The following CDKL1 variants were observed in gnomAD, a reference collection of about 807,000 sequenced individuals.
CDKL1 encodes the protein cyclin dependent kinase like 1.
Under a neutral mutation model 42.0 loss-of-function variants are expected in CDKL1, and 41 were observed. The ratio of observed to expected loss-of-function variants is 0.98; its 90% CI spans 0.76 to 1.27. The LOEUF (loss-of-function observed/expected upper bound fraction) is 1.27, where lower values mean the gene tolerates loss of function less well. Among genes scored for constraint, CDKL1 ranks in the 50% most tolerant of loss-of-function variants. The pLI, the probability that CDKL1 is intolerant of heterozygous loss-of-function variation, is 0.00. For synonymous variants in CDKL1, 153 were observed against 158.6 expected (o/e 0.96, Z 0.26); for missense variants, 394 against 428.4 (o/e 0.92, Z 0.71).
At chr14:50,380,093 A>G (rs2139513294) in intron 2 of CDKL1, 1 of 507,910 alleles carries the variant, frequency 2.0e-6, no homozygotes, top group Non-Finnish European at 4.0e-6. Flanking sequence ...CTTAACAGTC[A>G]GCTAAGCATA....
chr14:50,362,972 A>C (rs1219761239), intron 2 of CDKL1: 1 of 465,980 alleles, frequency 2.1e-6, no homozygotes, highest in Non-Finnish European at 4.5e-6. Context: ...TTGGGTCCGC[A>C]CTGCTGTAAC....
In CDKL1 at chr14:50,375,796, C is replaced by CA. The variant is rs879761807; in HGVS notation, c.169-16648dup. 2.6e-3 allele frequency among the ~76,000 whole-genome samples: 369 copies of CA among 139,382 alleles called. 3 individuals are homozygous for CA. The highest frequency in any genetic ancestry group is 0.022 in the South Asian group (97 of 4,432). 91.4% of individuals were successfully genotyped at this position (139,382 alleles called of 152,430 possible). A position where few individuals can be genotyped will look rare whatever the true frequency, so the allele number is the denominator to read the frequency against. On this transcript the variant is annotated intron_variant, in intron 2 of 9. Transcript: ENST00000395834. Reference sequence around the variant, plus strand: ...TGGGCAACAGAGCGAGACTCCATCTCAAAAAAAAAAAATAGCGGTAAGTCA... The same window carrying CA: ...TGGGCAACAGAGCGAGACTCCATCTCAAAAAAAAAAAAATAGCGGTAAGTCA...
chr14:50,382,598 CT>C (rs1183162883), intron 2 of CDKL1, among the ~76,000 whole-genome samples: 4 of 138,310 alleles, frequency 2.9e-5, no homozygotes, highest in Admixed American at 1.4e-4. Context: ...TTCTCTCTCT[CT>C]TTTTTTTTAT....
chr14:50,346,541 C>G (rs922047900), intron 3 of CDKL1, among the ~76,000 whole-genome samples: 2 of 151,604 alleles, frequency 1.3e-5, no homozygotes, highest in African/African-American at 2.4e-5. Context: ...GCTCACTGAA[C>G]TTTGGACTCC....
At chr14:50,337,883 G>T (rs965925695) in intron 7 of CDKL1, among the ~76,000 whole-genome samples, 2 of 151,478 alleles carry the variant, frequency 1.3e-5, no homozygotes, top group Non-Finnish European at 1.5e-5. Context: ...GTTTTGTCTT[G>T]TTGCCCGTGC....
Position 50,342,167 on chromosome 14 carries a change from A to G in CDKL1, c.419T>C (p.Ile140Thr). 1.9e-6 allele frequency: 3 copies of G among 1,614,166 alleles called. No homozygotes were observed. The highest frequency in any genetic ancestry group is 2.5e-6 in the Non-Finnish European group (3 of 1,180,014). Residue 140 changes from isoleucine to threonine, a missense_variant, in exon 5 of 10, where the codon ATT becomes ACT. By Grantham distance (89) the Ile-to-Thr change is moderately conservative. Coordinates refer to ENST00000395834, the MANE Select transcript of CDKL1 (RefSeq NM_004196.7). ...AGCAAATCCAAAGTCACAAAGCTTA[A>G]TCACGGAATGTTTCGTGATGAGGAT... ...ENILITKHSVIKLCDFGFARL... is the reference protein window; with the variant it reads ...ENILITKHSVTKLCDFGFARL...
At chr14:50,358,109 A>G (rs985712207) in intron 3 of CDKL1, 1 of 1,361,516 alleles carries the variant, frequency 7.3e-7, no homozygotes, top group Non-Finnish European at 9.8e-7. Flanking sequence ...GTGCTCACCA[A>G]GTCTTCTTCC....
At chr14:50,331,739 G>A (rs556519294) in intron 9 of CDKL1, 8 of 396,746 alleles carry the variant, frequency 2.0e-5, no homozygotes, top group South Asian at 2.0e-4. Flanking sequence ...ATTCTTCACA[G>A]TCTCCCAGTG....
At chr14:50,337,280 A>G (rs1253487884) in intron 7 of CDKL1, among the ~76,000 whole-genome samples, 1 of 148,526 alleles carries the variant, frequency 6.7e-6, no homozygotes, top group Non-Finnish European at 1.5e-5. Flanking sequence ...AAGTGCTGGG[A>G]TTACAGGCGT....
intron 2 of CDKL1, among the ~76,000 whole-genome samples, chr14:50,390,892 G>A (rs1031479875): frequency 1.3e-5 from 2 of 152,088 alleles, no homozygotes; most frequent in Admixed American, 6.6e-5. Flanking sequence ...GGAATGCAGT[G>A]GCACAAATCA....
rs542797096 is a variant in CDKL1, at chr14:50,330,064, C to T, written c.*10G>A. The T allele has an allele frequency of 8.7e-6, 14 of 1,607,710 alleles. No individual in the cohort carries two copies. In the East Asian group the frequency reaches 1.8e-4, roughly 21 times the overall value. On this transcript the variant is annotated 3_prime_UTR_variant, in exon 10 of 10. Coordinates refer to ENST00000395834, the MANE Select transcript of CDKL1 (RefSeq NM_004196.7). Reference sequence around the variant, plus strand: ...TGATTCCTTTTTTAAAATCATGTCTCCTAGCTCCTTTAAATGTTTGGAAAA... The same window carrying T: ...TGATTCCTTTTTTAAAATCATGTCTTCTAGCTCCTTTAAATGTTTGGAAAA...
At chr14:50,360,148 C>A (rs915054485) in intron 2 of CDKL1, among the ~76,000 whole-genome samples, 2 of 152,106 alleles carry the variant, frequency 1.3e-5, no homozygotes, top group African/African-American at 2.4e-5. Context: ...AAGAATTTTA[C>A]AATCAAATGT....
chr14:50,334,618 G>A lies in CDKL1; in HGVS notation c.742C>T (p.Pro248Ser), dbSNP rs757820882. 17 of 1,586,990 alleles carry A rather than the reference G, an allele frequency of 1.1e-5. No individual in the cohort carries two copies. The highest frequency in any genetic ancestry group is 1.3e-5 in the Non-Finnish European group (15 of 1,155,492). Reference protein sequence around the residue: ...VKIPDPEDMEPLELKFPNISY... With the variant: ...VKIPDPEDMESLELKFPNISY... ...ATGTTTGGGAATTTTAATTCAAGTG[G>A]TTCCTGTTGAAAAGAAAAGAGGTTT... The change falls in exon 8 of 10, where the codon CCA (proline) becomes TCA (serine). Residue 248 changes from proline to serine, a missense_variant. By Grantham distance (74) the Pro-to-Ser change is moderately conservative. Coordinates refer to ENST00000395834, the MANE Select transcript of CDKL1 (RefSeq NM_004196.7).
intron 1 of CDKL1, 114 bp from the exon 2 acceptor site, chr14:50,396,443 G>A: frequency 1.0e-6 from 1 of 985,328 alleles, no homozygotes. Flanking sequence ...GATTTTAATC[G>A]CCCGTTAAAT....
intron 2 of CDKL1, among the ~76,000 whole-genome samples, chr14:50,375,517 C>G (rs959044384): frequency 2.0e-5 from 3 of 152,338 alleles, no homozygotes; most frequent in Admixed American, 6.5e-5. Context: ...CCTGACGACA[C>G]TACCTCAGCC....
At chr14:50,359,629 C>A (rs1265693951) in intron 2 of CDKL1, among the ~76,000 whole-genome samples, 1 of 151,714 alleles carries the variant, frequency 6.6e-6, no homozygotes, top group South Asian at 2.1e-4. Flanking sequence ...GTATCAATAG[C>A]TACAATAGAT....
At chr14:50,362,224 C>T (rs116009153) in intron 2 of CDKL1, 11 of 347,180 alleles carry the variant, frequency 3.2e-5, no homozygotes, top group African/African-American at 1.4e-4. Flanking sequence ...CGATCAGAAC[C>T]GCCCCCTGCT....
chr14:50,330,003 C>A lies in CDKL1; in HGVS notation c.*71G>T. The A allele has an allele frequency of 2.0e-6, 3 of 1,528,448 alleles. No individual in the cohort carries two copies. Among genetic ancestry groups the A allele is most frequent in the Non-Finnish European group, 2.6e-6 (3 of 1,137,394 alleles). 94.7% of individuals were successfully genotyped at this position (1,528,448 alleles called of 1,614,324 possible). ...TTTCAACATTGTAATTGTTTTCAAT[C>A]AACTGTATAAGTTTTATTTTCTTCA... On this transcript the variant is annotated 3_prime_UTR_variant, in exon 10 of 10. Transcript: ENST00000395834.
chr14:50,338,530 G>A (rs1465103571), intron 7 of CDKL1, among the ~76,000 whole-genome samples: 1 of 152,168 alleles, frequency 6.6e-6, no homozygotes, highest in Non-Finnish European at 1.5e-5. Context: ...ATTGCACCCA[G>A]CCCAAGGAAG....
Sources: gnomAD v4.1 joint callset for allele counts (sites outside exome capture counted in the v4.1 genomes callset) on GRCh38, gnomAD v4.1.1 for gene constraint, MANE v1.5 for transcripts, NCBI Gene and HGNC (gene_info 2026-07-23, HGNC 2026-07-21) for gene names.